The following CCDC47 variants were observed in gnomAD, a reference collection of about 807,000 sequenced individuals.
CCDC47 encodes the protein PAT complex subunit CCDC47.
CCDC47 carries 41 observed loss-of-function variants against 60.5 expected under a neutral mutation model. The ratio of observed to expected loss-of-function variants is 0.68; its 90% CI spans 0.53 to 0.88. The LOEUF (loss-of-function observed/expected upper bound fraction) is 0.88, where lower values mean the gene tolerates loss of function less well. Ranked by LOEUF, CCDC47 falls within the 40% of genes least tolerant of loss-of-function variation. CCDC47 has a pLI of 0.00. For missense variants in CCDC47, 513 were observed against 580.9 expected (o/e 0.88, Z 1.20); for synonymous variants, 195 against 190.7 (o/e 1.02, Z -0.18).
At position 63,746,728 on chromosome 17, in the gene CCDC47, C is replaced by CA; in HGVS notation, c.*152dup. The CA allele has an allele frequency of 3.5e-6, 2 of 577,876 alleles. No individual in the cohort carries two copies. The highest frequency in any genetic ancestry group is 6.1e-6 in the Non-Finnish European group (2 of 328,240). 35.8% of individuals were successfully genotyped at this position (577,876 alleles called of 1,614,324 possible). Reference sequence around the variant, plus strand: ...GGTATCTTCAATCTCTGTAAAACCCCAAACCCCAAACAGAGTAGATGATGA... The same window carrying CA: ...GGTATCTTCAATCTCTGTAAAACCCCAAAACCCCAAACAGAGTAGATGATGA... On this transcript the variant is annotated 3_prime_UTR_variant, in exon 13 of 13. Coordinates refer to ENST00000225726, the MANE Select transcript of CCDC47 (RefSeq NM_020198.3).
rs779871114 is a variant in CCDC47 at position 63,756,575 on chromosome 17, T to TA, written c.736-6dup. The TA allele has an allele frequency of 2.3e-5, 37 of 1,596,624 alleles. No homozygotes were observed. The highest frequency in any genetic ancestry group is 3.3e-5 in the South Asian group (3 of 90,172). ...ATTCATGGTTACTTTTATTTGCTTT[T>TA]AAAAAAATGTAAAAAACAACAAAAT... is the stretch of plus-strand genomic sequence containing the variant. On this transcript the variant is annotated splice_region_variant and splice_polypyrimidine_tract_variant and intron_variant, in intron 6 of 12. Transcript: ENST00000225726.
chr17:63,747,914 G>T, intron 12 of CCDC47: 1 of 372,304 alleles, frequency 2.7e-6, no homozygotes. Context: ...GAGTGCAGTG[G>T]CACAATCTCG....
At position 63,764,001 on chromosome 17, in the gene CCDC47, A is replaced by G; in HGVS notation, c.547+15T>C. ...TTTTCAAGCAAGAAGCTGGGCTGACATTGGCCTCACTTACCCACTAAAGTA... is the reference window on the plus strand; with the variant it reads ...TTTTCAAGCAAGAAGCTGGGCTGACGTTGGCCTCACTTACCCACTAAAGTA... On this transcript the variant is annotated intron_variant, in intron 4 of 12. Coordinates refer to ENST00000225726, the MANE Select transcript of CCDC47 (RefSeq NM_020198.3). 1 of 1,569,454 alleles carries G rather than the reference A, an allele frequency of 6.4e-7. No individual in the cohort carries two copies. The highest frequency in any genetic ancestry group is 1.2e-5 in the South Asian group (1 of 83,010).
rs768375437 is a variant in CCDC47, at chr17:63,765,905, G to C, written c.264+7C>G. On this transcript the variant is annotated splice_region_variant and intron_variant, in intron 2 of 12. Transcript: ENST00000225726. ...TTTTTCCAATAAATTAATAAAAAGA[G>C]CCTCACCTGGGTATCTGCATCTTCA... 4 of 1,597,988 alleles carry C rather than the reference G, an allele frequency of 2.5e-6. No individual in the cohort carries two copies. The highest frequency in any genetic ancestry group is 3.5e-5 in the Admixed American group (2 of 56,426).
chr17:63,751,596 G>A (rs897747677), intron 12 of CCDC47, among the ~76,000 whole-genome samples: 5 of 151,886 alleles, frequency 3.3e-5, no homozygotes, highest in African/African-American at 1.2e-4. Context: ...TACATAGCAA[G>A]TTTATTTAGA....
chr17:63,757,195 T>C (rs1249536892), intron 6 of CCDC47, among the ~76,000 whole-genome samples: 3 of 91,898 alleles, frequency 3.3e-5, no homozygotes, highest in African/African-American at 9.0e-5. Flanking sequence ...ACCCCATCTG[T>C]ACAAAAAAAA....
At chr17:63,769,406 G>T (rs1273386097) in intron 1 of CCDC47, among the ~76,000 whole-genome samples, 1 of 151,930 alleles carries the variant, frequency 6.6e-6, no homozygotes. Flanking sequence ...CTGAGGTCAG[G>T]AGTTTGAGGC....
chr17:63,758,330 G>A (rs1168230689), intron 6 of CCDC47, among the ~76,000 whole-genome samples: 1 of 152,134 alleles, frequency 6.6e-6, no homozygotes, highest in East Asian at 1.9e-4. Flanking sequence ...TTGTGGGGCT[G>A]AGCCCTTTAA....
intron 3 of CCDC47, 100 bp from the exon 4 acceptor site, chr17:63,764,290 A>C (rs2039281923): frequency 1.2e-6 from 1 of 842,930 alleles, no homozygotes; most frequent in Non-Finnish European, 1.9e-6. Context: ...CAGAAGGGAT[A>C]CTTCAGATAT....
In CCDC47 at chr17:63,765,940, T is replaced by C; in HGVS notation, c.236A>G (p.Glu79Gly). The C allele has an allele frequency of 6.2e-7, 1 of 1,613,466 alleles. No homozygotes were observed. Among genetic ancestry groups the C allele is most frequent in the Non-Finnish European group, 8.5e-7 (1 of 1,179,684 alleles). ...GGTATCTGCATCTTCAAAATCTCCT[T>C]CTTGGTTTTCATCCTGCCCTTCCAA... ...VELEGQDENQ[E>G]GDFEDADTQE... The change falls in exon 2 of 13, where the codon GAA (glutamate) becomes GGA (glycine). Residue 79 changes from glutamate (E) to glycine (G), a missense_variant. Physicochemically the swap from Glu to Gly is moderately conservative, Grantham distance 98. Transcript: ENST00000225726.
chr17:63,761,742 C>A (rs1447277096), intron 4 of CCDC47: 1 of 784,880 alleles, frequency 1.3e-6, no homozygotes. Context: ...CGTTCCTCTA[C>A]CCTGACCACA....
chr17:63,756,438 C>A, intron 7 of CCDC47, 31 bp downstream of exon 7: 1 of 1,584,742 alleles, frequency 6.3e-7, no homozygotes, highest in Non-Finnish European at 8.7e-7. Context: ...CACAGTTCTA[C>A]GTATATTTGA....
At chr17:63,764,369 G>T (rs865876893) in intron 3 of CCDC47, among the ~76,000 whole-genome samples, 179 bp from the exon 4 acceptor site, 7 of 152,130 alleles carry the variant, frequency 4.6e-5, no homozygotes, top group Non-Finnish European at 8.8e-5. Context: ...CTTGATAAAA[G>T]ATTCTTTAAG....
Position 63,746,775 on chromosome 17 carries a change from C to A in CCDC47, c.*106G>T, listed in dbSNP as rs2039123384. 1.2e-6 allele frequency: 1 copy of A among 864,320 alleles called. No individual in the cohort carries two copies. The highest frequency in any genetic ancestry group is 2.5e-5 in the East Asian group (1 of 39,632). 53.5% of individuals were successfully genotyped at this position (864,320 alleles called of 1,614,324 possible). A position where few individuals can be genotyped will look rare whatever the true frequency, so the allele number is the denominator to read the frequency against. On this transcript the variant is annotated 3_prime_UTR_variant, in exon 13 of 13. Coordinates refer to ENST00000225726, the MANE Select transcript of CCDC47 (RefSeq NM_020198.3). ...ATGAAATAAGGATTTCTCAGTTGCCCAAGACTGTCTGAAATTTAAGGTTGA... is the reference window on the plus strand; with the variant it reads ...ATGAAATAAGGATTTCTCAGTTGCCAAAGACTGTCTGAAATTTAAGGTTGA...
In CCDC47 at chr17:63,760,991, G is replaced by T; in HGVS notation, c.670-12C>A. The stretch of plus-strand genomic sequence containing the variant: ...TGTCTCTTGAGGAACTGAAAAAAAT[G>T]AGAGAAGTAAGTAAATCCAACTGCA... On this transcript the variant is annotated splice_polypyrimidine_tract_variant and intron_variant, in intron 5 of 12. Transcript: ENST00000225726. 6.2e-7 allele frequency: 1 copy of T among 1,610,902 alleles called. No homozygotes were observed. Among genetic ancestry groups the T allele is most frequent in the South Asian group, 1.1e-5 (1 of 90,922 alleles).
At chr17:63,767,526 T>C (rs764230596) in intron 1 of CCDC47, among the ~76,000 whole-genome samples, 2 of 152,080 alleles carry the variant, frequency 1.3e-5, no homozygotes, top group African/African-American at 2.4e-5. Context: ...ATTTCAACCA[T>C]CAAACCCATT....
In CCDC47 at chr17:63,754,414, A is replaced by G; in HGVS notation, c.1034+19T>C. 2 of 1,476,842 alleles carry G rather than the reference A, an allele frequency of 1.4e-6. No homozygotes were observed. The highest frequency in any genetic ancestry group is 2.3e-5 in the East Asian group (1 of 44,176). 91.5% of individuals were successfully genotyped at this position (1,476,842 alleles called of 1,614,324 possible). ...GCTAGTGAGGAAAATTAATTTCAACAATTTTATCTTATACGTACTCTTGCA... is the reference window on the plus strand; with the variant it reads ...GCTAGTGAGGAAAATTAATTTCAACGATTTTATCTTATACGTACTCTTGCA... On this transcript the variant is annotated intron_variant, in intron 9 of 12. Coordinates refer to ENST00000225726, the MANE Select transcript of CCDC47 (RefSeq NM_020198.3).
intron 1 of CCDC47, among the ~76,000 whole-genome samples, chr17:63,772,049 T>G (rs1242939857): frequency 6.6e-6 from 1 of 151,792 alleles, no homozygotes. Flanking sequence ...GCCACTGCAC[T>G]CCAGCCTGGG....
intron 4 of CCDC47, chr17:63,761,553 C>T (rs1039436346): frequency 2.6e-5 from 10 of 383,254 alleles, no homozygotes; most frequent in East Asian, 5.4e-5. Flanking sequence ...AAAAATTAGC[C>T]GGGCATGGTG....
Sources: allele counts gnomAD v4.1 joint callset (sites outside exome capture counted in the v4.1 genomes callset), GRCh38; gene constraint gnomAD v4.1.1; transcripts MANE v1.5; gene names NCBI Gene and HGNC (gene_info 2026-07-23, HGNC 2026-07-21).